LRP8: variants seen among roughly 807,000 people sequenced by gnomAD.
LRP8 encodes low-density lipoprotein receptor-related protein 8.
LRP8 carries 46 observed loss-of-function variants against 111.6 expected under a neutral mutation model. The observed-to-expected ratio is 0.41, with a 90% CI of 0.33 to 0.53. The LOEUF is 0.53. Among genes scored for constraint, LRP8 ranks in the 20% least tolerant of loss-of-function variants. LRP8 has a pLI of 0.20. For missense variants in LRP8, 959 were observed against 1,297.4 expected (o/e 0.74, Z 4.01); for synonymous variants, 464 against 511.2 (o/e 0.91, Z 1.24).
intron 2 of LRP8, among the ~76,000 whole-genome samples, chr1:53,313,383 C>T (rs763112611): frequency 9.9e-5 from 15 of 151,296 alleles, no homozygotes; most frequent in Non-Finnish European, 2.2e-4. Context: ...AGCAAGGGGT[C>T]AGGGGCACAG....
intron 1 of LRP8, chr1:53,327,235 A>G: frequency 3.6e-6 from 2 of 548,324 alleles, no homozygotes; most frequent in South Asian, 4.4e-5. Flanking sequence ...ACCTGGGTAT[A>G]CCCTCCATTC....
chr1:53,294,575 T>C lies in LRP8; in HGVS notation c.245-4886A>G, dbSNP rs1649344664. 6.6e-6 allele frequency among the ~76,000 whole-genome samples: 1 copy of C among 152,192 alleles called. No homozygotes were observed. The highest frequency in any genetic ancestry group is 1.5e-5 in the Non-Finnish European group (1 of 68,026). On this transcript the variant is annotated intron_variant, in intron 2 of 18. Coordinates refer to ENST00000306052, the MANE Select transcript of LRP8 (RefSeq NM_004631.5). The surrounding 1 kb of genome is among the most constrained non-coding windows in gnomAD (Gnocchi z 4.1). ...TAAGCTAAGGATGGCCCCAGGGCTT[T>C]ATGAACTGAGAAGCAAAAAGGTGCA...
chr1:53,301,106 G>A (rs1046703888), intron 2 of LRP8, among the ~76,000 whole-genome samples: 8 of 152,088 alleles, frequency 5.3e-5, no homozygotes, highest in East Asian at 1.9e-4. Context: ...TGGGTGATGC[G>A]GACAGCAGAG....
chr1:53,260,757 C>T (rs1646303594), intron 12 of LRP8, 152 bp from the exon 13 acceptor site: 1 of 703,668 alleles, frequency 1.4e-6, no homozygotes, highest in African/African-American at 1.8e-5. Context: ...CTCTCAGCCT[C>T]TAATCTGTGA....
In LRP8 at chr1:53,262,213, G is replaced by A. The variant is rs186786897; in HGVS notation, c.1775-6C>T. 1,057 of 1,613,032 alleles carry A rather than the reference G, an allele frequency of 6.6e-4. 5 individuals carry two copies. The Middle Eastern group carries it at 0.013, about 20-fold the overall frequency. On this transcript the variant is annotated splice_polypyrimidine_tract_variant and splice_region_variant and intron_variant, in intron 11 of 18. Transcript: ENST00000306052. This position sits in a 1 kb window ranked among gnomAD's most constrained non-coding sequence, Gnocchi z 4.8. Reference sequence around the variant, plus strand: ...CAAGCGCTGGCTCAGCAGATCTTGGGAAGGAAGCAGGATCAGGTCATGAAC... The same window carrying A: ...CAAGCGCTGGCTCAGCAGATCTTGGAAAGGAAGCAGGATCAGGTCATGAAC...
chr1:53,274,439 G>A (rs190442166), intron 6 of LRP8, among the ~76,000 whole-genome samples: 3 of 152,386 alleles, frequency 2.0e-5, no homozygotes, highest in East Asian at 3.9e-4. Context: ...GGGAAGGAAT[G>A]AGGAAAGGCC....
In LRP8 at chr1:53,275,768, C is replaced by T; in HGVS notation, c.884-15G>A. 1 of 1,613,378 alleles carries T rather than the reference C, an allele frequency of 6.2e-7. No individual in the cohort carries two copies. Among genetic ancestry groups the T allele is most frequent in the Non-Finnish European group, 8.5e-7 (1 of 1,179,716 alleles). On this transcript the variant is annotated splice_polypyrimidine_tract_variant and intron_variant, in intron 5 of 18. Coordinates refer to ENST00000306052, the MANE Select transcript of LRP8 (RefSeq NM_004631.5). The surrounding 1 kb of genome is among the most constrained non-coding windows in gnomAD (Gnocchi z 4.4). ...GGTGCCCAGTGCTGCCAGGAGAGGGCAAGGGGAGAGGATCAGAGTCAGTGT... is the reference window on the plus strand; with the variant it reads ...GGTGCCCAGTGCTGCCAGGAGAGGGTAAGGGGAGAGGATCAGAGTCAGTGT...
At chr1:53,247,502 A>G (rs181567171) in intron 18 of LRP8, among the ~76,000 whole-genome samples, 11 of 152,322 alleles carry the variant, frequency 7.2e-5, no homozygotes, top group Admixed American at 7.2e-4. Context: ...AAGGTAATAT[A>G]CTGCACCTTC....
rs1034006612 is a variant in LRP8 at position 53,250,192 on chromosome 1, A to G, written c.2676+498T>C. Among the ~76,000 whole-genome samples the G allele has an allele frequency of 6.6e-5, 10 of 152,212 alleles. No individual in the cohort carries two copies. Among genetic ancestry groups the G allele is most frequent in the Non-Finnish European group, 1.5e-4 (10 of 68,026 alleles). ...GCATGTTCCTTATTGACTTTTGAATACTTGATATCTAATGTGGTGCTTGGC... is the reference window on the plus strand; with the variant it reads ...GCATGTTCCTTATTGACTTTTGAATGCTTGATATCTAATGTGGTGCTTGGC... On this transcript the variant is annotated intron_variant, in intron 17 of 18. Coordinates refer to ENST00000306052, the MANE Select transcript of LRP8 (RefSeq NM_004631.5). The surrounding 1 kb of genome is among the most constrained non-coding windows in gnomAD (Gnocchi z 4.6).
chr1:53,308,038 A>T (rs981955134), intron 2 of LRP8, among the ~76,000 whole-genome samples: 2 of 152,180 alleles, frequency 1.3e-5, no homozygotes, highest in African/African-American at 4.8e-5. Context: ...GCCCTGGCGG[A>T]GTGGTCTGGC....
intron 2 of LRP8, among the ~76,000 whole-genome samples, chr1:53,320,101 G>T (rs1034885049): frequency 6.6e-6 from 1 of 152,262 alleles, no homozygotes; most frequent in Non-Finnish European, 1.5e-5. Flanking sequence ...GGCTGAAGGA[G>T]GTCTTGCATG....
In LRP8 at chr1:53,262,459, G is replaced by T; in HGVS notation, c.1761C>A (p.Asn587Lys). The T allele has an allele frequency of 6.2e-7, 1 of 1,614,098 alleles. No individual in the cohort carries two copies. Among genetic ancestry groups the T allele is most frequent in the Non-Finnish European group, 8.5e-7 (1 of 1,180,002 alleles). Residue 587 changes from asparagine (N) to lysine (K), a missense_variant, in exon 11 of 19, where the codon AAC becomes AAA. Asn to Lys is a moderately conservative substitution (Grantham distance 94). Transcript: ENST00000306052. This position sits in a 1 kb window ranked among gnomAD's most constrained non-coding sequence, Gnocchi z 4.8. ...TLVSDNIEWP[N>K]GITLDLLSQR... is the part of the protein sequence containing the mutation. ...GGCAGGGCTCACCCAGGGTGATTCC[G>T]TTGGGCCATTCAATATTGTCTGACA... is the stretch of plus-strand genomic sequence containing the variant.
intron 2 of LRP8, among the ~76,000 whole-genome samples, chr1:53,295,589 GC>G (rs1411394368): frequency 6.6e-6 from 1 of 152,052 alleles, no homozygotes; most frequent in Non-Finnish European, 1.5e-5. Context: ...CAGAAAATCG[GC>G]CCTTAGCAGA....
chr1:53,258,741 ATT>A (rs58825423), intron 13 of LRP8, among the ~76,000 whole-genome samples: 3 of 146,334 alleles, frequency 2.1e-5, no homozygotes, highest in East Asian at 2.0e-4. Flanking sequence ...CTAATGTGTA[ATT>A]TTTTTTTTTT....
In LRP8 at chr1:53,242,858, T is replaced by TATACATACAC. The variant is rs56722919; in HGVS notation, c.*4159_*4160insGTGTATGTAT. The TATACATACAC allele has an allele frequency of 7.1e-6, 1 of 140,572 alleles. No homozygotes were observed. Among genetic ancestry groups the TATACATACAC allele is most frequent in the Non-Finnish European group, 1.5e-5 (1 of 64,634 alleles). The allele number at this position is 140,572 out of a possible 1,614,324, so 8.7% of individuals were successfully genotyped here. A position where few individuals can be genotyped will look rare whatever the true frequency, so the allele number is the denominator to read the frequency against. Reference sequence around the variant, plus strand: ...TTAAATATATATATATATATATATATACACACACACACACGTGGCTTTTTA... The same window carrying TATACATACAC: ...TTAAATATATATATATATATATATATATACATACACACACACACACACACGTGGCTTTTTA... On this transcript the variant is annotated 3_prime_UTR_variant, in exon 19 of 19. Transcript: ENST00000306052.
intron 16 of LRP8, among the ~76,000 whole-genome samples, chr1:53,251,871 C>T (rs1384422762): frequency 6.6e-6 from 1 of 150,576 alleles, no homozygotes; most frequent in African/African-American, 2.4e-5. Flanking sequence ...TGGCGAAAAC[C>T]CATCTCTACA....
chr1:53,306,488 G>GT (rs1345934202), intron 2 of LRP8, among the ~76,000 whole-genome samples: 3 of 152,214 alleles, frequency 2.0e-5, no homozygotes, highest in African/African-American at 7.2e-5. Context: ...GGAGGCCTGG[G>GT]TTTTGGTCCC....
chr1:53,248,845 A>T (rs1645805669), intron 18 of LRP8, among the ~76,000 whole-genome samples: 1 of 152,232 alleles, frequency 6.6e-6, no homozygotes, highest in Non-Finnish European at 1.5e-5. Flanking sequence ...GTAAGTCACA[A>T]AGTGCTCTCA....
intron 2 of LRP8, 119 bp downstream of exon 2, chr1:53,326,754 C>A: frequency 2.8e-6 from 4 of 1,450,586 alleles, no homozygotes; most frequent in Non-Finnish European, 3.6e-6. Context: ...TCGCAGGCTC[C>A]GGCGGCAAGT....
Sources: gnomAD v4.1 joint callset for allele counts (sites outside exome capture counted in the v4.1 genomes callset) on GRCh38, gnomAD v4.1.1 for gene constraint, Gnocchi (gnomAD v3.1) non-coding constraint, MANE v1.5 for transcripts, NCBI Gene and HGNC (gene_info 2026-07-23, HGNC 2026-07-21) for gene names.